ST6GALNAC3: variants seen among roughly 807,000 people sequenced by gnomAD.
ST6GALNAC3 encodes alpha-N-acetylgalactosaminide alpha-2,6-sialyltransferase 3.
In ST6GALNAC3, 25 loss-of-function variants were observed where a neutral mutation model predicts 32.7. That is an observed-to-expected ratio of 0.76 (90% CI 0.56 to 1.07). ST6GALNAC3 has a LOEUF of 1.07. Among genes scored for constraint, ST6GALNAC3 ranks in the 50% least tolerant of loss-of-function variants. The pLI, the probability that ST6GALNAC3 is intolerant of heterozygous loss-of-function variation, is 0.00. For missense variants in ST6GALNAC3, 355 were observed against 382.4 expected (o/e 0.93, Z 0.60); for synonymous variants, 129 against 133.1 (o/e 0.97, Z 0.21).
At chr1:76,161,855 C>T (rs1271269450) in intron 1 of ST6GALNAC3, among the ~76,000 whole-genome samples, 2 of 152,126 alleles carry the variant, frequency 1.3e-5, no homozygotes, top group Non-Finnish European at 2.9e-5. Context: ...ACTGGGCTTT[C>T]TTTTCTAAAT....
At chr1:76,432,763 T>C (rs538630112) in intron 3 of ST6GALNAC3, among the ~76,000 whole-genome samples, 1 of 152,290 alleles carries the variant, frequency 6.6e-6, no homozygotes, top group African/African-American at 2.4e-5. Flanking sequence ...AGCCTACTTT[T>C]GTATTCTCTT....
intron 1 of ST6GALNAC3, among the ~76,000 whole-genome samples, chr1:76,095,605 A>G (rs1392565278): frequency 6.6e-6 from 1 of 152,206 alleles, no homozygotes; most frequent in Admixed American, 6.5e-5. Context: ...AAAGCTGCCT[A>G]CTTGTAGGGC....
At chr1:76,561,088 A>T (rs1272996484) in intron 3 of ST6GALNAC3, among the ~76,000 whole-genome samples, 1 of 152,174 alleles carries the variant, frequency 6.6e-6, no homozygotes, top group Non-Finnish European at 1.5e-5. Context: ...AAGTAAAATA[A>T]CTCAAGCACA....
chr1:76,164,554 A>G (rs1652008878), intron 1 of ST6GALNAC3, among the ~76,000 whole-genome samples: 1 of 152,188 alleles, frequency 6.6e-6, no homozygotes, highest in African/African-American at 2.4e-5. Context: ...TAGGATTCCT[A>G]AGCATTATTT....
At chr1:76,626,589 T>C (rs1378754258) in intron 3 of ST6GALNAC3, among the ~76,000 whole-genome samples, 2 of 151,912 alleles carry the variant, frequency 1.3e-5, no homozygotes, top group Non-Finnish European at 2.9e-5. Flanking sequence ...CATACTTCCA[T>C]ATTTGTGATT....
At chr1:76,343,695 A>G (rs929954799) in intron 2 of ST6GALNAC3, among the ~76,000 whole-genome samples, 5 of 152,236 alleles carry the variant, frequency 3.3e-5, no homozygotes, top group Non-Finnish European at 7.3e-5. Flanking sequence ...GCAAAACCCT[A>G]CAGAGTACAA....
At chr1:76,500,951 T>G (rs944992459) in intron 3 of ST6GALNAC3, among the ~76,000 whole-genome samples, 4 of 152,196 alleles carry the variant, frequency 2.6e-5, no homozygotes, top group African/African-American at 9.7e-5. Context: ...ATGTTATCTA[T>G]AATTATATGT....
At chr1:76,135,924 C>T (rs1298027522) in intron 1 of ST6GALNAC3, among the ~76,000 whole-genome samples, 3 of 152,146 alleles carry the variant, frequency 2.0e-5, no homozygotes, top group Non-Finnish European at 4.4e-5. Context: ...AAAGACTTGG[C>T]TCTGGCTCAG....
intron 1 of ST6GALNAC3, chr1:76,313,561 T>C: frequency 1.7e-6 from 1 of 605,678 alleles, no homozygotes; most frequent in Non-Finnish European, 3.0e-6. Context: ...TATAGTGAGA[T>C]AAGGAAGGGT....
intron 1 of ST6GALNAC3, among the ~76,000 whole-genome samples, chr1:76,103,183 T>G (rs573549038): frequency 2.6e-5 from 4 of 151,852 alleles, no homozygotes; most frequent in Non-Finnish European, 5.9e-5. Context: ...TTACATTTCC[T>G]GCTTGGGGTT....
rs532998101 is a variant in ST6GALNAC3 at position 76,187,975 on chromosome 1, C to T, written c.18+113091C>T. ...TCCAGAAAATCTCTCTGAGACTCAA[C>T]GCTTAGGTAATGTGGAACTCAGAAC... On this transcript the variant is annotated intron_variant, in intron 1 of 4. Coordinates refer to ENST00000328299, the MANE Select transcript of ST6GALNAC3 (RefSeq NM_152996.4). Among the ~76,000 whole-genome samples, 32 of 152,172 alleles carry T rather than the reference C, an allele frequency of 2.1e-4. No individual in the cohort carries two copies. The South Asian group carries it at 2.3e-3, about 11-fold the overall frequency.
chr1:76,148,367 G>C (rs1650825730), intron 1 of ST6GALNAC3, among the ~76,000 whole-genome samples: 2 of 152,206 alleles, frequency 1.3e-5, no homozygotes, highest in South Asian at 4.1e-4. Context: ...TCAGATATAG[G>C]AAGGTTTCCG....
chr1:76,556,881 A>G (rs554785390), intron 3 of ST6GALNAC3, among the ~76,000 whole-genome samples: 1 of 152,036 alleles, frequency 6.6e-6, no homozygotes, highest in South Asian at 2.1e-4. Flanking sequence ...TGATAAATCC[A>G]ATTTATCTGT....
At chr1:76,366,186 T>A (rs1457967675) in intron 2 of ST6GALNAC3, among the ~76,000 whole-genome samples, 1 of 152,192 alleles carries the variant, frequency 6.6e-6, no homozygotes, top group East Asian at 1.9e-4. Context: ...AGATATTCCA[T>A]TTTTAACCCA....
chr1:76,315,697 A>G (rs1193190015), intron 2 of ST6GALNAC3, among the ~76,000 whole-genome samples: 1 of 152,150 alleles, frequency 6.6e-6, no homozygotes, highest in Non-Finnish European at 1.5e-5. Flanking sequence ...AATGAACTTA[A>G]GCAGTATATT....
At chr1:76,395,967 A>T (rs745955638) in intron 2 of ST6GALNAC3, among the ~76,000 whole-genome samples, 2 of 152,200 alleles carry the variant, frequency 1.3e-5, no homozygotes, top group African/African-American at 2.4e-5. Context: ...AAGCGAGGAC[A>T]TGAAATGTTC....
chr1:76,220,260 A>T (rs1655693192), intron 1 of ST6GALNAC3, among the ~76,000 whole-genome samples: 1 of 152,182 alleles, frequency 6.6e-6, no homozygotes, highest in South Asian at 2.1e-4. Context: ...AGAATTATCT[A>T]CCTAATTTGT....
At chr1:76,390,485 C>T (rs1652448408) in intron 2 of ST6GALNAC3, among the ~76,000 whole-genome samples, 1 of 152,174 alleles carries the variant, frequency 6.6e-6, no homozygotes, top group African/African-American at 2.4e-5. Flanking sequence ...CTACAGTTTA[C>T]CTTACTAAAA....
chr1:76,333,304 G>A (rs531092626), intron 2 of ST6GALNAC3, among the ~76,000 whole-genome samples: 26 of 152,138 alleles, frequency 1.7e-4, no homozygotes, highest in Non-Finnish European at 2.6e-4. Context: ...GAAGATTTAA[G>A]CTCAGTATAA....
Sources: gnomAD v4.1 joint callset for allele counts (sites outside exome capture counted in the v4.1 genomes callset) on GRCh38, gnomAD v4.1.1 for gene constraint, MANE v1.5 for transcripts, NCBI Gene and HGNC (gene_info 2026-07-23, HGNC 2026-07-21) for gene names.